POR: variants seen among roughly 807,000 people sequenced by gnomAD.
POR encodes NADPH--cytochrome P450 reductase.
A neutral mutation model predicts 84.0 loss-of-function variants in POR; 56 were observed. That is an observed-to-expected ratio of 0.67 (90% confidence interval 0.54 to 0.83). The LOEUF is 0.83. Ranked by LOEUF, POR falls within the 40% of genes least tolerant of loss-of-function variation. The probability of loss-of-function intolerance (pLI) is 0.00; values close to 1 mark genes in which losing one functional copy is unlikely to be tolerated. For synonymous variants in POR, 414 were observed against 400.5 expected (o/e 1.03, Z -0.40); for missense variants, 938 against 944.3 (o/e 0.99, Z 0.09).
chr7:75,983,997 GGATCC>G (rs1789247230), intron 10 of POR, 141 bp downstream of exon 10: 1 of 692,206 alleles, frequency 1.4e-6, no homozygotes, highest in Non-Finnish European at 2.4e-6. Flanking sequence ...CACGGTTACA[GGATCC>G]CAAGCAAACG....
intron 2 of POR, among the ~76,000 whole-genome samples, chr7:75,959,657 C>T (rs1038812573): frequency 1.3e-5 from 2 of 152,110 alleles, no homozygotes; most frequent in African/African-American, 2.4e-5. Context: ...AGTTTCACCA[C>T]GTTGGCCAGG....
intron 3 of POR, among the ~76,000 whole-genome samples, chr7:75,978,036 C>T (rs1238470147): frequency 2.0e-5 from 3 of 152,186 alleles, no homozygotes; most frequent in African/African-American, 2.4e-5. Context: ...GTATGTGAGC[C>T]AGCCCCTAGG....
Position 75,986,733 on chromosome 7 carries a change from G to A in POR, c.*252G>A, listed in dbSNP as rs1223412250. 6.7e-6 allele frequency: 4 copies of A among 592,834 alleles called. No individual in the cohort carries two copies. The highest frequency in any genetic ancestry group is 3.0e-5 in the Admixed American group (1 of 33,006). The allele number at this position is 592,834 out of a possible 1,614,324, so 36.7% of individuals were successfully genotyped here. A position where few individuals can be genotyped will look rare whatever the true frequency, so the allele number is the denominator to read the frequency against. ...TGCCTCTGGAGGCCTCTGGCCCTCG[G>A]TGGCTGCACAGAAGGGCTCTTTCTC... On this transcript the variant is annotated 3_prime_UTR_variant, in exon 16 of 16. Coordinates refer to ENST00000461988, the MANE Select transcript of POR (RefSeq NM_000941.3).
Position 75,986,372 on chromosome 7 carries a change from C to T in POR, c.1934C>T (p.Thr645Ile), listed in dbSNP as rs782718023. Residue 645 changes from threonine (T) to isoleucine (I), a missense_variant, in exon 16 of 16, where the codon ACC becomes ATC. Transcript: ENST00000461988. ...AACATGGCCAGGGATGTGCAGAACA[C>T]CTTCTACGACATCGTGGCTGAGCTC... 1 of 1,612,598 alleles carries T rather than the reference C, an allele frequency of 6.2e-7. No homozygotes were observed. Among genetic ancestry groups the T allele is most frequent in the Non-Finnish European group, 8.5e-7 (1 of 1,179,846 alleles).
At chr7:75,938,036 T>TG (rs1807783035) in intron 1 of POR, among the ~76,000 whole-genome samples, 1 of 152,196 alleles carries the variant, frequency 6.6e-6, no homozygotes, top group African/African-American at 2.4e-5. Context: ...TCAGCCCCTG[T>TG]GGGCCTGGTC....
At chr7:75,974,505 T>A (rs544785706) in intron 3 of POR, among the ~76,000 whole-genome samples, 3 of 151,062 alleles carry the variant, frequency 2.0e-5, no homozygotes, top group Non-Finnish European at 4.4e-5. Flanking sequence ...TGGCTTCGTT[T>A]CTTTTTCTTT....
chr7:75,972,723 C>T (rs955692130), intron 3 of POR: 6 of 545,568 alleles, frequency 1.1e-5, no homozygotes, highest in South Asian at 4.0e-5. Flanking sequence ...CTCTAACTCA[C>T]GAAGCTTCTC....
chr7:75,973,827 C>T (rs1359335844), intron 3 of POR, among the ~76,000 whole-genome samples: 1 of 151,728 alleles, frequency 6.6e-6, no homozygotes, highest in African/African-American at 2.4e-5. Context: ...GGTTAGACGC[C>T]TGCCACCGTG....
intron 1 of POR, chr7:75,945,207 G>C (rs376197524): frequency 6.6e-6 from 1 of 152,118 alleles, no homozygotes; most frequent in Non-Finnish European, 1.5e-5. Flanking sequence ...CCTTGAGCCC[G>C]GAGGATCCCT....
rs1585128181 is a variant in POR at position 75,980,380 on chromosome 7, G to A, written c.408G>A (p.Val136=). The change falls in exon 5 of 16, where the codon GTG becomes GTA. Residue 136 remains valine, a synonymous_variant. Transcript: ENST00000461988. ...TGCCAGAGATCGACAACGCCCTGGT[G>A]GTTTTCTGCATGGCCACCTACGGTG... is the stretch of plus-strand genomic sequence containing the variant. 1 of 1,613,254 alleles carries A rather than the reference G, an allele frequency of 6.2e-7. No individual in the cohort carries two copies.
intron 1 of POR, among the ~76,000 whole-genome samples, chr7:75,927,006 C>T (rs1248717421): frequency 1.3e-5 from 2 of 152,082 alleles, no homozygotes; most frequent in Non-Finnish European, 2.9e-5. Context: ...AGTGAGGCTG[C>T]GTCTACCTGT....
chr7:75,979,594 C>T lies in POR; in HGVS notation c.366+15C>T, dbSNP rs375908618. ...AGTATGACCTGGTAAGCTGCCACCG[C>T]GTGCTGGCCCCAGATGGAGGCAGTG... On this transcript the variant is annotated intron_variant, in intron 4 of 15. Coordinates refer to ENST00000461988, the MANE Select transcript of POR (RefSeq NM_000941.3). The T allele has an allele frequency of 1.6e-5, 25 of 1,612,236 alleles. No homozygotes were observed. In the East Asian group the frequency reaches 1.6e-4, roughly 10 times the overall value.
chr7:75,971,048 G>T (rs536886113), intron 2 of POR: 1 of 150,324 alleles, frequency 6.7e-6, no homozygotes, highest in African/African-American at 2.5e-5. Context: ...TGCAACCTCC[G>T]CCTCCCTAGT....
intron 1 of POR, among the ~76,000 whole-genome samples, chr7:75,935,874 C>T (rs1807650848): frequency 6.6e-6 from 1 of 151,324 alleles, no homozygotes. Context: ...GGGAGCCACT[C>T]CCCCAATAGC....
At chr7:75,938,574 T>A (rs1285391625) in intron 1 of POR, among the ~76,000 whole-genome samples, 16 of 152,014 alleles carry the variant, frequency 1.1e-4, no homozygotes, top group Non-Finnish European at 1.2e-4. Flanking sequence ...CCTGGGCAAC[T>A]TAGTGAGACC....
At chr7:75,977,613 TA>T (rs1330516972) in intron 3 of POR, among the ~76,000 whole-genome samples, 1 of 152,102 alleles carries the variant, frequency 6.6e-6, no homozygotes, top group Non-Finnish European at 1.5e-5. Context: ...CAGTCTCTAC[TA>T]AAAATTCAAA....
At position 75,972,536 on chromosome 7, in the gene POR, G is replaced by A. The variant is rs782026654; in HGVS notation, c.237+75G>A. 6.3e-5 allele frequency: 87 copies of A among 1,383,942 alleles called. No homozygotes were observed. The East Asian group carries it at 9.1e-4, about 15-fold the overall frequency. 85.7% of individuals were successfully genotyped at this position (1,383,942 alleles called of 1,614,324 possible). ...GGGCATGTAATCAAGTCTAGCAGAC[G>A]GCTGGCGTCACCGCATAGAGGATGT... is the stretch of plus-strand genomic sequence containing the variant. On this transcript the variant is annotated intron_variant, in intron 3 of 15. Transcript: ENST00000461988.
intron 3 of POR, 171 bp downstream of exon 3, chr7:75,972,632 G>A (rs1390401182): frequency 1.4e-6 from 1 of 704,212 alleles, no homozygotes; most frequent in East Asian, 2.7e-5. Flanking sequence ...AAGCCCTGAA[G>A]CAGCTCTGCT....
At chr7:75,941,936 G>C (rs148864270) in intron 1 of POR, among the ~76,000 whole-genome samples, 26 of 151,992 alleles carry the variant, frequency 1.7e-4, no homozygotes, top group African/African-American at 6.0e-4. Context: ...TAACAATTTT[G>C]GGCCAGGTGC....
Sources: allele counts gnomAD v4.1 joint callset (sites outside exome capture counted in the v4.1 genomes callset), GRCh38; gene constraint gnomAD v4.1.1; transcripts MANE v1.5; gene names NCBI Gene and HGNC (gene_info 2026-07-23, HGNC 2026-07-21).